Variants in XKR4 observed in about 807,000 individuals in gnomAD.
The protein encoded by XKR4 is XK related 4, also known as XK-related protein 4.
XKR4 carries 12 observed loss-of-function variants against 53.9 expected under a neutral mutation model. The observed-to-expected ratio is 0.22, with a 90% CI of 0.14 to 0.36. XKR4 has a LOEUF of 0.36. Among genes scored for constraint, XKR4 ranks in the 10% least tolerant of loss-of-function variants. The pLI is 1.00. For missense variants in XKR4, 799 were observed against 859.5 expected (o/e 0.93, Z 0.88); for synonymous variants, 354 against 362.4 (o/e 0.98, Z 0.26).
chr8:55,414,682 T>A (rs1437258360), intron 2 of XKR4, among the ~76,000 whole-genome samples: 1 of 151,966 alleles, frequency 6.6e-6, no homozygotes, highest in Non-Finnish European at 1.5e-5. Context: ...CTAGGGACCA[T>A]TTAAGAGGCA....
At position 55,534,360 on chromosome 8, in the gene XKR4, A is replaced by ATTATTTTTT. The variant is rs1563375592; in HGVS notation, c.*10135_*10136insATTTTTTTT. The stretch of plus-strand genomic sequence containing the variant: ...CGAGCTCAAAGATCACGAATCTGAT[A>ATTATTTTTT]TTCTTTTTTTTTTTTTTTTTTTTTT... On this transcript the variant is annotated 3_prime_UTR_variant, in exon 3 of 3. Coordinates refer to ENST00000327381, the MANE Select transcript of XKR4 (RefSeq NM_052898.2). The ATTATTTTTT allele has an allele frequency of 2.6e-5, 1 of 38,916 alleles. No homozygotes were observed. Among genetic ancestry groups the ATTATTTTTT allele is most frequent in the Non-Finnish European group, 5.9e-5 (1 of 16,972 alleles). 2.4% of individuals were successfully genotyped at this position (38,916 alleles called of 1,614,324 possible). A position where few individuals can be genotyped will look rare whatever the true frequency, so the allele number is the denominator to read the frequency against.
chr8:55,434,444 T>C (rs982668831), intron 2 of XKR4, among the ~76,000 whole-genome samples: 2 of 151,506 alleles, frequency 1.3e-5, no homozygotes, highest in African/African-American at 4.8e-5. Context: ...TGTGTGTGTA[T>C]GCAGAAATGG....
At chr8:55,431,227 G>T (rs886588943) in intron 2 of XKR4, among the ~76,000 whole-genome samples, 5 of 152,140 alleles carry the variant, frequency 3.3e-5, no homozygotes, top group African/African-American at 1.2e-4. Context: ...AAAACAAAAT[G>T]TCAGAAGAGG....
At chr8:55,403,003 G>T (rs766696762) in intron 2 of XKR4, among the ~76,000 whole-genome samples, 5 of 152,110 alleles carry the variant, frequency 3.3e-5, no homozygotes, top group African/African-American at 4.8e-5. Flanking sequence ...GCTGGGGTTT[G>T]GTTCCCATCC....
chr8:55,475,673 G>A (rs1043350595), intron 2 of XKR4, among the ~76,000 whole-genome samples: 4 of 151,756 alleles, frequency 2.6e-5, no homozygotes, highest in South Asian at 2.1e-4. Flanking sequence ...GCATGATCTT[G>A]GCTCACTGCA....
intron 1 of XKR4, among the ~76,000 whole-genome samples, chr8:55,193,564 C>A (rs186515000): frequency 6.6e-6 from 1 of 152,184 alleles, no homozygotes; most frequent in South Asian, 2.1e-4. Flanking sequence ...GGGGTCCATG[C>A]GCCTGTGCTC....
At chr8:55,210,736 T>C (rs1817719996) in intron 1 of XKR4, among the ~76,000 whole-genome samples, 1 of 152,044 alleles carries the variant, frequency 6.6e-6, no homozygotes, top group South Asian at 2.1e-4. Flanking sequence ...AGAAAGACAA[T>C]AGCTCTTTGC....
intron 2 of XKR4, among the ~76,000 whole-genome samples, chr8:55,464,634 A>G (rs947541862): frequency 9.2e-5 from 14 of 152,162 alleles, no homozygotes; most frequent in Admixed American, 3.3e-4. Flanking sequence ...AGTTCAGGCC[A>G]GGGCAATCAG....
intron 1 of XKR4, among the ~76,000 whole-genome samples, chr8:55,143,872 C>T (rs1251063677): frequency 1.3e-5 from 2 of 152,170 alleles, no homozygotes; most frequent in African/African-American, 4.8e-5. Context: ...TAGGAGCCTC[C>T]CCTTAGTGGA....
chr8:55,313,236 C>G (rs972483065), intron 1 of XKR4, among the ~76,000 whole-genome samples: 1 of 152,130 alleles, frequency 6.6e-6, no homozygotes, highest in Admixed American at 6.5e-5. Flanking sequence ...TACAACATTA[C>G]TATCATGAGT....
chr8:55,135,889 C>CTTTTTT (rs71256514), intron 1 of XKR4, among the ~76,000 whole-genome samples: 2 of 146,026 alleles, frequency 1.4e-5, no homozygotes, highest in African/African-American at 2.5e-5. Context: ...AACATGCTCA[C>CTTTTTT]TTTTTTTTTT....
At chr8:55,322,974 C>T (rs1205935406) in intron 1 of XKR4, among the ~76,000 whole-genome samples, 2 of 151,976 alleles carry the variant, frequency 1.3e-5, no homozygotes, top group African/African-American at 2.4e-5. Flanking sequence ...ATTTTTTTCT[C>T]ATATTAAAAA....
intron 1 of XKR4, among the ~76,000 whole-genome samples, chr8:55,226,981 A>G (rs575776243): frequency 1.3e-5 from 2 of 152,130 alleles, no homozygotes; most frequent in East Asian, 3.9e-4. Context: ...GGCACCCACA[A>G]CCTGGCTCAC....
intron 1 of XKR4, among the ~76,000 whole-genome samples, chr8:55,192,113 T>C (rs906628791): frequency 1.3e-5 from 2 of 151,560 alleles, no homozygotes. Flanking sequence ...AATGATTACT[T>C]TTCACTACTA....
At chr8:55,258,030 A>G (rs1818465697) in intron 1 of XKR4, among the ~76,000 whole-genome samples, 1 of 152,172 alleles carries the variant, frequency 6.6e-6, no homozygotes, top group Admixed American at 6.5e-5. Context: ...CTGAGTCCTG[A>G]GCTGGTGACC....
chr8:55,224,916 T>A (rs1475467615), intron 1 of XKR4, among the ~76,000 whole-genome samples: 3 of 152,212 alleles, frequency 2.0e-5, no homozygotes, highest in African/African-American at 7.2e-5. Context: ...CTAAAGGGGT[T>A]AAAAGACGTT....
At chr8:55,120,784 AC>A in intron 1 of XKR4, among the ~76,000 whole-genome samples, 1 of 152,338 alleles carries the variant, frequency 6.6e-6, no homozygotes, top group East Asian at 1.9e-4. Context: ...TGTTTTAAAT[AC>A]TTGTATGATG....
intron 1 of XKR4, among the ~76,000 whole-genome samples, chr8:55,235,091 G>A (rs933168264): frequency 6.6e-6 from 1 of 152,236 alleles, no homozygotes; most frequent in Non-Finnish European, 1.5e-5. Flanking sequence ...TGGAGCCTCT[G>A]AGGGAGAATC....
At chr8:55,315,967 A>G (rs1329348178) in intron 1 of XKR4, among the ~76,000 whole-genome samples, 1 of 152,186 alleles carries the variant, frequency 6.6e-6, no homozygotes, top group African/African-American at 2.4e-5. Flanking sequence ...AATGAATCTC[A>G]CAGAGTCCCT....
Sources: allele counts gnomAD v4.1 joint callset (sites outside exome capture counted in the v4.1 genomes callset), GRCh38; gene constraint gnomAD v4.1.1; transcripts MANE v1.5; gene names NCBI Gene and HGNC (gene_info 2026-07-23, HGNC 2026-07-21).